The following PSMC5 variants were observed in gnomAD, a reference collection of about 807,000 sequenced individuals.
PSMC5 encodes the protein 26S proteasome regulatory subunit 8.
Under a neutral mutation model 49.1 loss-of-function variants are expected in PSMC5, and 11 were observed. The observed-to-expected ratio is 0.22, with a 90% CI of 0.14 to 0.37. PSMC5 has a LOEUF of 0.37. Ranked by LOEUF, PSMC5 falls within the 10% of genes least tolerant of loss-of-function variation. PSMC5 has a pLI of 1.00. For synonymous variants in PSMC5, 206 were observed against 192.2 expected (o/e 1.07, Z -0.59); for missense variants, 229 against 520.9 (o/e 0.44, Z 5.45).
intron 1 of PSMC5, 90 bp from the exon 2 acceptor site, chr17:63,828,048 T>A: frequency 6.8e-7 from 1 of 1,478,028 alleles, no homozygotes; most frequent in Admixed American, 1.8e-5. Flanking sequence ...CAAAGCTACC[T>A]GGTGTCAAGC....
rs781664355 is a variant in PSMC5 at position 63,830,309 on chromosome 17, C to T, written c.360C>T (p.Ser120=). 16 of 1,614,082 alleles carry T rather than the reference C, an allele frequency of 9.9e-6. No homozygotes were observed. Among genetic ancestry groups the T allele is most frequent in the Middle Eastern group, 1.6e-4 (1 of 6,084 alleles). ...GCCGGGTGGCTCTAAGGAATGACAG[C>T]TACACTCTGCACAAGATCCTGCCCA... ...PNCRVALRND[S]YTLHKILPNK... Residue 120 remains serine (S), a synonymous_variant, in exon 6 of 12, where the codon AGC becomes AGT. Transcript: ENST00000310144. This position sits in a 1 kb window ranked among gnomAD's most constrained non-coding sequence, Gnocchi z 4.0.
At chr17:63,829,771 G>C in intron 3 of PSMC5, 81 bp from the exon 4 acceptor site, 1 of 1,440,646 alleles carries the variant, frequency 6.9e-7, no homozygotes, top group African/African-American at 1.4e-5. Context: ...TAAGAGTGAT[G>C]CTTAGCTCAT....
Position 63,830,895 on chromosome 17 carries a change from T to C in PSMC5, c.639T>C (p.Arg213=), listed in dbSNP as rs1018745369. 1.2e-6 allele frequency: 2 copies of C among 1,613,838 alleles called. No individual in the cohort carries two copies. The highest frequency in any genetic ancestry group is 2.7e-5 in the African/African-American group (2 of 74,932). Residue 213 remains arginine (R), a synonymous_variant, in exon 7 of 12, where the codon CGT becomes CGC. Coordinates refer to ENST00000310144, the MANE Select transcript of PSMC5 (RefSeq NM_002805.6). The surrounding 1 kb of genome is among the most constrained non-coding windows in gnomAD (Gnocchi z 4.0). ...VAHHTDCTFI[R]VSGSELVQKF... ...ATCATACGGACTGTACCTTTATTCG[T>C]GTCTCTGGCTCTGAACTGGTACAGA...
In PSMC5 at chr17:63,831,323, T is replaced by G. The variant is rs763581049; in HGVS notation, c.871-4T>G. On this transcript the variant is annotated splice_polypyrimidine_tract_variant and splice_region_variant and intron_variant, in intron 8 of 11. Transcript: ENST00000310144. The surrounding 1 kb of genome is among the most constrained non-coding windows in gnomAD (Gnocchi z 6.3). ...GCTGATCCCCACTTGCTTTCTCTGC[T>G]CAGGTTATCATGGCTACTAATAGGA... is the stretch of plus-strand genomic sequence containing the variant. 1.2e-6 allele frequency: 2 copies of G among 1,613,840 alleles called. No homozygotes were observed. Among genetic ancestry groups the G allele is most frequent in the Middle Eastern group, 1.6e-4 (1 of 6,062 alleles).
In PSMC5 at chr17:63,829,802, G is replaced by A. The variant is rs772916256; in HGVS notation, c.167-50G>A. 12 of 1,583,300 alleles carry A rather than the reference G, an allele frequency of 7.6e-6. No individual in the cohort carries two copies. The African/African-American group carries it at 1.6e-4, about 21-fold the overall frequency. On this transcript the variant is annotated intron_variant, in intron 3 of 11. Coordinates refer to ENST00000310144, the MANE Select transcript of PSMC5 (RefSeq NM_002805.6). ...CTCATGCACGTAGAATTGGGTCCTG[G>A]AGACTCCAAAGGAGTAGCTAGGTGA...
In PSMC5 at chr17:63,827,482, A is replaced by G; in HGVS notation, c.-9A>G. On this transcript the variant is annotated 5_prime_UTR_variant, in exon 1 of 12. Coordinates refer to ENST00000310144, the MANE Select transcript of PSMC5 (RefSeq NM_002805.6). ...CTCGGATGCCGGCGGTCTCTGCTGA[A>G]GAGAGAAGATGGCGCTTGACGGACC... 1 of 1,551,720 alleles carries G rather than the reference A, an allele frequency of 6.4e-7. No homozygotes were observed. The highest frequency in any genetic ancestry group is 1.4e-5 in the African/African-American group (1 of 73,176).
rs903022050 is a variant in PSMC5 at position 63,830,741 on chromosome 17, C to T, written c.553-68C>T. 15 of 1,584,572 alleles carry T rather than the reference C, an allele frequency of 9.5e-6. No homozygotes were observed. Among genetic ancestry groups the T allele is most frequent in the African/African-American group, 4.1e-5 (3 of 73,548 alleles). The stretch of plus-strand genomic sequence containing the variant: ...AACATCTAGCAAGGGACCCAGCACT[C>T]GGTAAATGTTCACTGAATGAAATGA... On this transcript the variant is annotated intron_variant, in intron 6 of 11. Transcript: ENST00000310144. The surrounding 1 kb of genome is among the most constrained non-coding windows in gnomAD (Gnocchi z 4.0).
chr17:63,831,394 G>A lies in PSMC5; in HGVS notation c.938G>A (p.Arg313Lys). The change falls in exon 9 of 12, where the codon AGA (arginine) becomes AAA (lysine). Residue 313 changes from arginine (R) to lysine (K), a missense_variant. This residue lies in a region of PSMC5 where 121 missense variants were observed against 330.6 expected (regional missense o/e 0.37). Transcript: ENST00000310144. This position sits in a 1 kb window ranked among gnomAD's most constrained non-coding sequence, Gnocchi z 6.3. The part of the protein sequence containing the change: ...SALLRPGRID[R>K]KIEFPPPNEE... Reference sequence around the variant, plus strand: ...CTGCTTCGCCCAGGGCGCATTGACAGAAAAATTGAATTCCCACCCCCCAAT... The same window carrying A: ...CTGCTTCGCCCAGGGCGCATTGACAAAAAAATTGAATTCCCACCCCCCAAT... 6.2e-7 allele frequency: 1 copy of A among 1,614,004 alleles called. No homozygotes were observed. The highest frequency in any genetic ancestry group is 1.1e-5 in the South Asian group (1 of 91,082).
chr17:63,829,474 T>A lies in PSMC5; in HGVS notation c.97-20T>A. The A allele has an allele frequency of 1.9e-6, 3 of 1,551,686 alleles. No individual in the cohort carries two copies. Among genetic ancestry groups the A allele is most frequent in the Non-Finnish European group, 2.6e-6 (3 of 1,146,780 alleles). ...GTCTCCTGCCCTTGAATAATGGAAT[T>A]TGTCTCTTGTCTGCCACAGCTGATT... On this transcript the variant is annotated intron_variant, in intron 2 of 11. Transcript: ENST00000310144.
In PSMC5 at chr17:63,829,511, G is replaced by A. The variant is rs1280161518; in HGVS notation, c.114G>A (p.Lys38=). 3.9e-6 allele frequency: 6 copies of A among 1,555,092 alleles called. No homozygotes were observed. The highest frequency in any genetic ancestry group is 5.2e-6 in the Non-Finnish European group (6 of 1,148,804). The change falls in exon 3 of 12, where the codon AAG becomes AAA. Residue 38 remains lysine (K), a synonymous_variant. Coordinates refer to ENST00000310144, the MANE Select transcript of PSMC5 (RefSeq NM_002805.6). The part of the protein sequence containing the change: ...IEELQLIVND[K]SQNLRRLQAQ... ...TGCCACAGCTGATTGTGAATGATAA[G>A]AGCCAAAACCTCCGGAGGCTGCAGG...
chr17:63,828,010 C>A, intron 1 of PSMC5, 128 bp from the exon 2 acceptor site: 1 of 1,312,530 alleles, frequency 7.6e-7, no homozygotes, highest in South Asian at 1.3e-5. Context: ...GATCCTGAGC[C>A]TCCGAAGTCC....
In PSMC5 at chr17:63,831,287, G is replaced by A; in HGVS notation, c.871-40G>A. The A allele has an allele frequency of 6.2e-7, 1 of 1,612,106 alleles. No homozygotes were observed. Among genetic ancestry groups the A allele is most frequent in the Non-Finnish European group, 8.5e-7 (1 of 1,178,804 alleles). Reference sequence around the variant, plus strand: ...AGGCCTGGGTGCCACGCAGGCTGAGGAAGAGGTTTAGCTGATCCCCACTTG... The same window carrying A: ...AGGCCTGGGTGCCACGCAGGCTGAGAAAGAGGTTTAGCTGATCCCCACTTG... On this transcript the variant is annotated intron_variant, in intron 8 of 11. Coordinates refer to ENST00000310144, the MANE Select transcript of PSMC5 (RefSeq NM_002805.6). This position sits in a 1 kb window ranked among gnomAD's most constrained non-coding sequence, Gnocchi z 6.3.
chr17:63,830,706 TTG>T lies in PSMC5; in HGVS notation c.553-101_553-100del. The T allele has an allele frequency of 6.9e-7, 1 of 1,451,634 alleles. No individual in the cohort carries two copies. Among genetic ancestry groups the T allele is most frequent in the Non-Finnish European group, 9.2e-7 (1 of 1,086,686 alleles). 89.9% of individuals were successfully genotyped at this position (1,451,634 alleles called of 1,614,324 possible). A position where few individuals can be genotyped will look rare whatever the true frequency, so the allele number is the denominator to read the frequency against. ...GGACCTTGATGTTCCTTTTTTTTTT[TTG>T]TATCCCTAACATCTAGCAAGGGACC... is the stretch of plus-strand genomic sequence containing the variant. On this transcript the variant is annotated intron_variant, in intron 6 of 11. Transcript: ENST00000310144. The surrounding 1 kb of genome is among the most constrained non-coding windows in gnomAD (Gnocchi z 4.0).
chr17:63,828,111 C>T (rs751696511), intron 1 of PSMC5, 27 bp from the exon 2 acceptor site: 15 of 1,613,142 alleles, frequency 9.3e-6, no homozygotes, highest in Middle Eastern at 1.6e-4. Context: ...TTTAACCTGT[C>T]GTTTAAGACT....
Position 63,831,456 on chromosome 17 carries a change from T to C in PSMC5, c.969+31T>C, listed in dbSNP as rs1196611829. The stretch of plus-strand genomic sequence containing the variant: ...TGATGGACACTGTGCAAAGTGGCTC[T>C]GGCTGTGGGGGTGGGGTGTGGGGCT... On this transcript the variant is annotated intron_variant, in intron 9 of 11. Coordinates refer to ENST00000310144, the MANE Select transcript of PSMC5 (RefSeq NM_002805.6). This position sits in a 1 kb window ranked among gnomAD's most constrained non-coding sequence, Gnocchi z 6.3. 4 of 1,613,022 alleles carry C rather than the reference T, an allele frequency of 2.5e-6. No homozygotes were observed. Among genetic ancestry groups the C allele is most frequent in the Admixed American group, 1.7e-5 (1 of 59,990 alleles).
chr17:63,830,898 C>T lies in PSMC5; in HGVS notation c.642C>T (p.Val214=), dbSNP rs746106831. 1 of 1,613,896 alleles carries T rather than the reference C, an allele frequency of 6.2e-7. No individual in the cohort carries two copies. The highest frequency in any genetic ancestry group is 1.7e-5 in the Admixed American group (1 of 59,990). ...AHHTDCTFIR[V]SGSELVQKFI... ...ATACGGACTGTACCTTTATTCGTGT[C>T]TCTGGCTCTGAACTGGTACAGAAAT... The change falls in exon 7 of 12, where the codon GTC becomes GTT. Residue 214 remains valine, a synonymous_variant. Coordinates refer to ENST00000310144, the MANE Select transcript of PSMC5 (RefSeq NM_002805.6). This position sits in a 1 kb window ranked among gnomAD's most constrained non-coding sequence, Gnocchi z 4.0.
At chr17:63,827,879 C>G in intron 1 of PSMC5, 1 of 1,426,228 alleles carries the variant, frequency 7.0e-7, no homozygotes, top group African/African-American at 1.4e-5. Flanking sequence ...AAGCGCCCCC[C>G]GTCTATATCA....
At chr17:63,828,416 G>A in intron 2 of PSMC5, 3 of 514,638 alleles carry the variant, frequency 5.8e-6, no homozygotes, top group Non-Finnish European at 1.0e-5. Flanking sequence ...GGGTCTTAGT[G>A]TTCACAGTTT....
Position 63,831,365 on chromosome 17 carries a change from G to C in PSMC5, c.909G>C (p.Ser303=). The stretch of plus-strand genomic sequence containing the variant: ...CTAATAGGATTGATATCCTGGACTC[G>C]GCACTGCTTCGCCCAGGGCGCATTG... ...MATNRIDILD[S]ALLRPGRIDR... The change falls in exon 9 of 12, where the codon TCG becomes TCC. Residue 303 remains serine (S), a synonymous_variant. Coordinates refer to ENST00000310144, the MANE Select transcript of PSMC5 (RefSeq NM_002805.6). This position sits in a 1 kb window ranked among gnomAD's most constrained non-coding sequence, Gnocchi z 6.3. 3.7e-6 allele frequency: 6 copies of C among 1,613,976 alleles called. No homozygotes were observed. The highest frequency in any genetic ancestry group is 5.1e-6 in the Non-Finnish European group (6 of 1,180,010).
Sources: allele counts gnomAD v4.1 joint callset, GRCh38; gene constraint gnomAD v4.1.1; regional missense constraint gnomAD v4.1.1; non-coding constraint Gnocchi (gnomAD v3.1); transcripts MANE v1.5; gene names NCBI Gene and HGNC (gene_info 2026-07-23, HGNC 2026-07-21).